Variants in BST1 observed in about 807,000 individuals in gnomAD.
BST1 encodes the protein ADP-ribosyl cyclase/cyclic ADP-ribose hydrolase 2.
In BST1, 49 loss-of-function variants were observed where a neutral mutation model predicts 40.6. That is an observed-to-expected ratio of 1.21 (90% CI 0.96 to 1.53). The LOEUF (loss-of-function observed/expected upper bound fraction) is 1.53. Ranked by LOEUF, BST1 falls within the 40% of genes most tolerant of loss-of-function variation. The pLI, the probability that BST1 is intolerant of heterozygous loss-of-function variation, is 0.00. For synonymous variants in BST1, 157 were observed against 159.3 expected (o/e 0.99, Z 0.11); for missense variants, 423 against 395.9 (o/e 1.07, Z -0.58).
the BST1 span, among the ~76,000 whole-genome samples, chr4:15,744,426 T>C: frequency 1.3e-5 from 2 of 152,250 alleles, no homozygotes; most frequent in African/African-American, 4.8e-5. Context: ...CAAACACTTA[T>C]AAAACCATCA....
intron 3 of BST1, among the ~76,000 whole-genome samples, chr4:15,708,516 G>T (rs766421299): frequency 2.6e-5 from 4 of 152,178 alleles, no homozygotes; most frequent in Non-Finnish European, 4.4e-5. Context: ...GCAAGGAAAG[G>T]AGGTTAGGGA....
chr4:15,720,105 C>T (rs1465014201), intron 7 of BST1, among the ~76,000 whole-genome samples: 1 of 152,118 alleles, frequency 6.6e-6, no homozygotes, highest in Non-Finnish European at 1.5e-5. Flanking sequence ...ACTCAGCATC[C>T]CCAGGGGCTC....
chr4:15,730,910 T>G, intron 8 of BST1: 1 of 263,256 alleles, frequency 3.8e-6, no homozygotes. Flanking sequence ...GTGTGCACAA[T>G]TTGCTTTTTT....
At position 15,705,638 on chromosome 4, in the gene BST1, T is replaced by C; in HGVS notation, c.312T>C (p.Asp104=). Residue 104 remains aspartate (D), a synonymous_variant, in exon 2 of 9, where the codon GAT becomes GAC. Transcript: ENST00000265016. ...INLSRHSIPR[D]KSLFWENSHL... ...TGTCCAGGCACTCTATTCCCAGAGA[T>C]AAGGTAACACCACAACCATCTTGGG... The C allele has an allele frequency of 6.2e-7, 1 of 1,613,988 alleles. No homozygotes were observed. The highest frequency in any genetic ancestry group is 8.5e-7 in the Non-Finnish European group (1 of 1,179,888).
chr4:15,728,857 G>A (rs1721248348), intron 8 of BST1, among the ~76,000 whole-genome samples: 1 of 151,994 alleles, frequency 6.6e-6, no homozygotes, highest in African/African-American at 2.4e-5. Context: ...TGTTGGCCAG[G>A]CTGGTCTCAA....
chr4:15,728,058 T>A (rs1056842693), intron 8 of BST1, among the ~76,000 whole-genome samples: 1 of 151,646 alleles, frequency 6.6e-6, no homozygotes, highest in Non-Finnish European at 1.5e-5. Flanking sequence ...ATCTGCAGGA[T>A]TGGTGATGAT....
At chr4:15,723,355 TCCTG>T (rs1424605208) in intron 8 of BST1, 1 of 160,666 alleles carries the variant, frequency 6.2e-6, no homozygotes, top group Non-Finnish European at 1.3e-5. Flanking sequence ...CACACCATTC[TCCTG>T]CCTCAGCCTC....
At chr4:15,772,712 G>A in the BST1 span, among the ~76,000 whole-genome samples, 5 of 152,208 alleles carry the variant, frequency 3.3e-5, no homozygotes, top group East Asian at 1.9e-4. Context: ...GGAGCTGAGT[G>A]GGGTTAGAAA....
In BST1 at chr4:15,715,692, A is replaced by G. The variant is rs779390372; in HGVS notation, c.612-15A>G. On this transcript the variant is annotated splice_polypyrimidine_tract_variant and intron_variant, in intron 5 of 8. Coordinates refer to ENST00000265016, the MANE Select transcript of BST1 (RefSeq NM_004334.3). ...GATATCATATTGCTTTAGGGCTTCA[A>G]GAAATGTTTCTCAGTTTTTTTGCAG... 1.3e-6 allele frequency: 2 copies of G among 1,545,698 alleles called. No homozygotes were observed. Among genetic ancestry groups the G allele is most frequent in the Non-Finnish European group, 8.8e-7 (1 of 1,131,808 alleles).
At chr4:15,736,021 A>AT, downstream of BST1, 1 of 1,224,608 alleles carries the variant, frequency 8.2e-7, no homozygotes, top group South Asian at 1.3e-5. Flanking sequence ...ACATTTTTCT[A>AT]TGTGTTTTTA....
chr4:15,711,736 T>C (rs1720217560), intron 3 of BST1, 71 bp from the exon 4 acceptor site: 2 of 1,191,642 alleles, frequency 1.7e-6, no homozygotes, highest in Admixed American at 1.7e-5. Flanking sequence ...AACTGGGATA[T>C]ATTGTAAGTT....
chr4:15,755,932 C>T, the BST1 span, among the ~76,000 whole-genome samples: 1 of 152,152 alleles, frequency 6.6e-6, no homozygotes, highest in African/African-American at 2.4e-5. Flanking sequence ...AATCTGAGAG[C>T]TCTGAGTTCC....
intron 6 of BST1, among the ~76,000 whole-genome samples, chr4:15,716,036 T>C (rs1577578728): frequency 6.6e-6 from 1 of 152,212 alleles, no homozygotes; most frequent in Non-Finnish European, 1.5e-5. Flanking sequence ...GAAGACAGTG[T>C]TCCTTTCTGA....
At chr4:15,708,993 C>G (rs370960079) in intron 3 of BST1, among the ~76,000 whole-genome samples, 15 of 152,246 alleles carry the variant, frequency 9.9e-5, no homozygotes, top group Middle Eastern at 3.4e-3. Context: ...ATCTTCTAGA[C>G]AGTAGGAAAA....
chr4:15,749,640 G>C, the BST1 span, among the ~76,000 whole-genome samples: 1 of 152,170 alleles, frequency 6.6e-6, no homozygotes, highest in Non-Finnish European at 1.5e-5. Context: ...AGGTAGCACA[G>C]GTGTCATTCA....
chr4:15,767,988 G>T, the BST1 span, among the ~76,000 whole-genome samples: 1 of 152,086 alleles, frequency 6.6e-6, no homozygotes, highest in Non-Finnish European at 1.5e-5. Flanking sequence ...TGACCACATG[G>T]TCACCTTGGC....
At chr4:15,736,509 T>C (rs1207509707), downstream of BST1, among the ~76,000 whole-genome samples, 1 of 151,764 alleles carries the variant, frequency 6.6e-6, no homozygotes, top group Non-Finnish European at 1.5e-5. Context: ...ACTCTGAAGG[T>C]TGAGGCAGGA....
chr4:15,724,704 AAG>A (rs57896911), intron 8 of BST1, among the ~76,000 whole-genome samples: 20,313 of 150,316 alleles, frequency 0.14, 2,545 homozygotes, highest in East Asian at 0.52. Context: ...AAAATAAAAT[AAG>A]AGAGAGAGAG....
At chr4:15,707,187 T>A (rs1225726310) in intron 2 of BST1, among the ~76,000 whole-genome samples, 1 of 152,170 alleles carries the variant, frequency 6.6e-6, no homozygotes, top group Non-Finnish European at 1.5e-5. Flanking sequence ...AGATTACATA[T>A]CTAATACATG....
Sources: allele counts gnomAD v4.1 joint callset (sites outside exome capture counted in the v4.1 genomes callset), GRCh38; gene constraint gnomAD v4.1.1; transcripts MANE v1.5; gene names NCBI Gene and HGNC (gene_info 2026-07-23, HGNC 2026-07-21).